MSRA: variants seen among roughly 807,000 people sequenced by gnomAD.
MSRA encodes mitochondrial peptide methionine sulfoxide reductase.
MSRA carries 54 observed loss-of-function variants against 31.3 expected under a neutral mutation model. The observed-to-expected ratio is 1.73, with a 90% CI of 1.39 to 2.17. The LOEUF (loss-of-function observed/expected upper bound fraction) is 2.17, where lower values mean the gene tolerates loss of function less well. Ranked by LOEUF, MSRA falls within the 30% of genes most tolerant of loss-of-function variation. The pLI is 0.00. For synonymous variants in MSRA, 169 were observed against 116.5 expected, an observed-to-expected ratio of 1.45 and a Z score of -2.90; for missense variants, 507 against 300.9, an observed-to-expected ratio of 1.69 and a Z score of -5.07.
At chr8:10,112,565 C>T (rs1800367522) in intron 1 of MSRA, among the ~76,000 whole-genome samples, 1 of 152,186 alleles carries the variant, frequency 6.6e-6, no homozygotes, top group African/African-American at 2.4e-5. Context: ...TCATTATGGT[C>T]AGATGCTGTG....
At position 10,070,100 on chromosome 8, in the gene MSRA, A is replaced by C. The variant is rs79740367; in HGVS notation, c.142+15442A>C. Reference sequence around the variant, plus strand: ...ACTTGAGTCTTGGATCAGACTGGAAAATGGAAAGAATGTAGATTCTGTGAT... The same window carrying C: ...ACTTGAGTCTTGGATCAGACTGGAACATGGAAAGAATGTAGATTCTGTGAT... On this transcript the variant is annotated intron_variant, in intron 1 of 5. Coordinates refer to ENST00000317173, the MANE Select transcript of MSRA (RefSeq NM_012331.5). Among the ~76,000 whole-genome samples, 1,519 of 152,278 alleles carry C rather than the reference A, an allele frequency of 1.0e-2. 25 individuals are homozygous for C. Among genetic ancestry groups the C allele is most frequent in the African/African-American group, 0.033 (1,376 of 41,562 alleles).
intron 5 of MSRA, among the ~76,000 whole-genome samples, chr8:10,374,936 CCCT>C (rs1286614270): frequency 6.6e-6 from 1 of 152,048 alleles, no homozygotes; most frequent in African/African-American, 2.4e-5. Context: ...AGAGCTTGGA[CCCT>C]CCTCCTCTCT....
chr8:10,280,344 AC>A, intron 3 of MSRA, among the ~76,000 whole-genome samples: 1 of 139,456 alleles, frequency 7.2e-6, no homozygotes, highest in South Asian at 2.5e-4. Flanking sequence ...GATATTTTTT[AC>A]TTTTTGCTCC....
At chr8:10,082,466 G>A (rs1028978208) in intron 1 of MSRA, among the ~76,000 whole-genome samples, 2 of 152,122 alleles carry the variant, frequency 1.3e-5, no homozygotes, top group African/African-American at 4.8e-5. Flanking sequence ...GCCCTCCTAA[G>A]AAAACATACG....
At chr8:10,166,172 G>A (rs1805103668) in intron 1 of MSRA, among the ~76,000 whole-genome samples, 1 of 152,190 alleles carries the variant, frequency 6.6e-6, no homozygotes, top group South Asian at 2.1e-4. Flanking sequence ...AGGTGGGTGG[G>A]TATGGTAGTG....
chr8:10,414,082 G>C (rs540389073), intron 5 of MSRA, among the ~76,000 whole-genome samples: 8 of 152,138 alleles, frequency 5.3e-5, no homozygotes, highest in Admixed American at 3.9e-4. Flanking sequence ...CAAGAGGATC[G>C]CTTGAGCCTA....
At chr8:10,395,765 T>A (rs1807059067) in intron 5 of MSRA, among the ~76,000 whole-genome samples, 1 of 152,148 alleles carries the variant, frequency 6.6e-6, no homozygotes, top group Non-Finnish European at 1.5e-5. Flanking sequence ...CTCCCTGAAG[T>A]CCAATGAAAC....
chr8:10,374,744 G>C (rs533929406), intron 5 of MSRA, among the ~76,000 whole-genome samples: 7 of 152,284 alleles, frequency 4.6e-5, no homozygotes, highest in African/African-American at 1.4e-4. Flanking sequence ...TGACTTGTTG[G>C]ATATGGTTTG....
At chr8:10,149,487 G>A (rs765189527) in intron 1 of MSRA, among the ~76,000 whole-genome samples, 1 of 152,198 alleles carries the variant, frequency 6.6e-6, no homozygotes, top group Non-Finnish European at 1.5e-5. Flanking sequence ...CAGGGCCTGT[G>A]CTGATTGAAG....
At chr8:10,111,704 G>C (rs977314974) in intron 1 of MSRA, among the ~76,000 whole-genome samples, 2 of 152,232 alleles carry the variant, frequency 1.3e-5, no homozygotes, top group East Asian at 3.8e-4. Flanking sequence ...TGCATGAGAA[G>C]AGCAGTCAAA....
intron 5 of MSRA, among the ~76,000 whole-genome samples, chr8:10,421,410 C>T (rs1808803012): frequency 6.6e-6 from 1 of 152,160 alleles, no homozygotes; most frequent in Non-Finnish European, 1.5e-5. Context: ...CCACTCTGGG[C>T]TCTGGGTCTC....
At chr8:10,377,349 A>G (rs1232358962) in intron 5 of MSRA, among the ~76,000 whole-genome samples, 1 of 152,248 alleles carries the variant, frequency 6.6e-6, no homozygotes, top group Non-Finnish European at 1.5e-5. Context: ...GATTTGAGGC[A>G]CAGTTTGCTT....
intron 3 of MSRA, among the ~76,000 whole-genome samples, chr8:10,289,688 C>A (rs1002105484): frequency 1.3e-5 from 2 of 152,132 alleles, no homozygotes; most frequent in African/African-American, 4.8e-5. Flanking sequence ...TCAAAGACCC[C>A]TTCTATTATC....
At chr8:10,262,892 C>A (rs193274951) in intron 3 of MSRA, among the ~76,000 whole-genome samples, 1 of 152,284 alleles carries the variant, frequency 6.6e-6, no homozygotes, top group East Asian at 1.9e-4. Flanking sequence ...TGGGTTGTAC[C>A]TATGGTTTTG....
chr8:10,185,266 A>G (rs1454709247), intron 1 of MSRA, among the ~76,000 whole-genome samples: 1 of 152,254 alleles, frequency 6.6e-6, no homozygotes, highest in African/African-American at 2.4e-5. Flanking sequence ...GGCAGTCATT[A>G]GAATTCATTA....
chr8:10,222,848 G>A (rs1810648276), intron 2 of MSRA, among the ~76,000 whole-genome samples: 2 of 152,188 alleles, frequency 1.3e-5, no homozygotes, highest in Non-Finnish European at 2.9e-5. Context: ...GATGTTGGTC[G>A]AAGGGTACAA....
At chr8:10,200,083 G>C (rs1318196615) in intron 1 of MSRA, among the ~76,000 whole-genome samples, 3 of 150,094 alleles carry the variant, frequency 2.0e-5, no homozygotes, top group Admixed American at 2.0e-4. Flanking sequence ...GAGGTATGGG[G>C]GTTGCCTGGG....
At chr8:10,178,941 T>G (rs1182824084) in intron 1 of MSRA, among the ~76,000 whole-genome samples, 1 of 152,184 alleles carries the variant, frequency 6.6e-6, no homozygotes, top group Admixed American at 6.5e-5. Flanking sequence ...TCTTGGTAAT[T>G]TTGTTGGTTT....
At chr8:10,277,857 T>A (rs191152884) in intron 3 of MSRA, among the ~76,000 whole-genome samples, 2 of 152,272 alleles carry the variant, frequency 1.3e-5, no homozygotes, top group South Asian at 2.1e-4. Context: ...AAAGTTCATG[T>A]TGTATATCAT....
Sources: allele counts gnomAD v4.1 joint callset (sites outside exome capture counted in the v4.1 genomes callset), GRCh38; gene constraint gnomAD v4.1.1; transcripts MANE v1.5; gene names NCBI Gene and HGNC (gene_info 2026-07-23, HGNC 2026-07-21).